Variants in EYS observed in about 807,000 individuals in gnomAD.
EYS encodes EGF-like photoreceptor maintenance factor, also known as protein eyes shut homolog.
Under a neutral mutation model 282.1 loss-of-function variants are expected in EYS, and 250 were observed. The ratio of observed to expected loss-of-function variants is 0.89; its 90% CI spans 0.80 to 0.98. The LOEUF is 0.98. Among genes scored for constraint, EYS ranks in the 50% least tolerant of loss-of-function variants. The probability of loss-of-function intolerance (pLI) is 0.00; values close to 1 mark genes in which losing one functional copy is unlikely to be tolerated. For missense variants in EYS, 4,016 were observed against 3,709.0 expected, an observed-to-expected ratio of 1.08 and a Z score of -2.15; for synonymous variants, 1,355 against 1,282.9, an observed-to-expected ratio of 1.06 and a Z score of -1.20.
chr6:64,728,244 T>C (rs1162387750), intron 22 of EYS, among the ~76,000 whole-genome samples: 1 of 151,652 alleles, frequency 6.6e-6, no homozygotes, highest in East Asian at 1.9e-4. Flanking sequence ...CAGTGTTTTT[T>C]TGTTTTGTTT....
chr6:64,844,358 GTT>G (rs200024782), intron 19 of EYS, among the ~76,000 whole-genome samples: 1 of 140,746 alleles, frequency 7.1e-6, no homozygotes. Flanking sequence ...ATGCTGTTGG[GTT>G]TTTTTTTTTT....
At chr6:64,923,147 C>T (rs561430130) in intron 15 of EYS, among the ~76,000 whole-genome samples, 59 of 151,082 alleles carry the variant, frequency 3.9e-4, no homozygotes, top group Middle Eastern at 3.4e-3. Context: ...ATACTAGACA[C>T]GGGGGAAAAA....
chr6:65,012,690 T>G (rs925036074), intron 13 of EYS, among the ~76,000 whole-genome samples: 4 of 151,968 alleles, frequency 2.6e-5, no homozygotes, highest in African/African-American at 9.7e-5. Flanking sequence ...TAGAAGCTGC[T>G]GAGGATATCA....
At chr6:64,616,523 C>T (rs547106507) in intron 24 of EYS, among the ~76,000 whole-genome samples, 2 of 152,238 alleles carry the variant, frequency 1.3e-5, no homozygotes, top group African/African-American at 4.8e-5. Context: ...ATTGATTTTT[C>T]AAAATCTTGT....
At chr6:64,054,070 G>A (rs113019661) in intron 33 of EYS, among the ~76,000 whole-genome samples, 17 of 152,060 alleles carry the variant, frequency 1.1e-4, no homozygotes, top group Non-Finnish European at 2.2e-4. Context: ...AGTTTCACAT[G>A]TGGCCTTAGG....
chr6:64,702,614 T>G (rs1770831311), intron 22 of EYS, among the ~76,000 whole-genome samples: 1 of 152,130 alleles, frequency 6.6e-6, no homozygotes, highest in Admixed American at 6.5e-5. Flanking sequence ...GTGTAATAAC[T>G]GCTTTCAAAG....
intron 12 of EYS, among the ~76,000 whole-genome samples, chr6:65,085,979 T>A (rs887817455): frequency 6.6e-6 from 1 of 151,914 alleles, no homozygotes; most frequent in Non-Finnish European, 1.5e-5. Context: ...ATAAAAACAT[T>A]TTTTTGTCTT....
chr6:64,590,135 G>T, intron 26 of EYS, 88 bp downstream of exon 26: 3 of 1,185,906 alleles, frequency 2.5e-6, no homozygotes, highest in Non-Finnish European at 3.5e-6. Flanking sequence ...GCTGTTCAGA[G>T]CACCCGGTGA....
intron 2 of EYS, among the ~76,000 whole-genome samples, chr6:65,533,529 A>G (rs938605776): frequency 6.6e-6 from 1 of 152,054 alleles, no homozygotes; most frequent in Non-Finnish European, 1.5e-5. Flanking sequence ...GAGACACAAT[A>G]AAAAAAGAGA....
intron 29 of EYS, among the ~76,000 whole-genome samples, chr6:64,314,194 C>CA (rs138447983): frequency 0.021 from 578 of 27,628 alleles, 66 homozygotes; most frequent in East Asian, 0.065. Flanking sequence ...AAATGGAAAG[C>CA]AAAAAAAAAA....
At chr6:65,629,358 C>T (rs1474690135) in intron 2 of EYS, among the ~76,000 whole-genome samples, 1 of 152,154 alleles carries the variant, frequency 6.6e-6, no homozygotes, top group Non-Finnish European at 1.5e-5. Context: ...AATATAGTTA[C>T]AAGTATGCAT....
Position 65,283,813 on chromosome 6 carries a change from T to TTTTGG in EYS, c.2023+12045_2023+12049dup, listed in dbSNP as rs201721627. Among the ~76,000 whole-genome samples, 817 of 152,272 alleles carry TTTTGG rather than the reference T, an allele frequency of 5.4e-3. 13 individuals carry two copies. Among genetic ancestry groups the TTTTGG allele is most frequent in the African/African-American group, 0.018 (765 of 41,570 alleles). ...TTTTCAGTGTCAATATTAGTTTCTA[T>TTTTGG]TTTGGTTTATGTTGCAAATTTTTAT... On this transcript the variant is annotated intron_variant, in intron 12 of 42. Transcript: ENST00000503581.
chr6:65,664,160 G>A (rs1236193942), intron 1 of EYS, among the ~76,000 whole-genome samples: 2 of 151,942 alleles, frequency 1.3e-5, no homozygotes, highest in South Asian at 2.1e-4. Flanking sequence ...ATGAGCCACC[G>A]CGCCCGGCCC....
intron 31 of EYS, among the ~76,000 whole-genome samples, chr6:64,095,077 T>C (rs1772540380): frequency 1.3e-5 from 2 of 152,242 alleles, no homozygotes; most frequent in Admixed American, 1.3e-4. Context: ...AGTGAGTTTC[T>C]TAATCCTGAG....
At chr6:63,805,115 G>A (rs888147345) in intron 37 of EYS, among the ~76,000 whole-genome samples, 4 of 152,136 alleles carry the variant, frequency 2.6e-5, no homozygotes, top group Non-Finnish European at 5.9e-5. Context: ...CCCTAGCACC[G>A]TAGAACCACT....
chr6:64,538,456 C>T (rs1286765763), intron 26 of EYS, among the ~76,000 whole-genome samples: 1 of 152,112 alleles, frequency 6.6e-6, no homozygotes, highest in Non-Finnish European at 1.5e-5. Context: ...AGATGGCTTT[C>T]AAGGTTATTC....
intron 22 of EYS, among the ~76,000 whole-genome samples, chr6:64,659,450 G>T (rs1449265436): frequency 6.6e-6 from 1 of 151,876 alleles, no homozygotes; most frequent in South Asian, 2.1e-4. Flanking sequence ...TCCAGGAGCT[G>T]GTTTTTTGAA....
intron 35 of EYS, among the ~76,000 whole-genome samples, chr6:63,891,077 G>A (rs1433181920): frequency 6.6e-6 from 1 of 152,146 alleles, no homozygotes; most frequent in Non-Finnish European, 1.5e-5. Flanking sequence ...AACAAGTTCT[G>A]AAACTGAGGC....
intron 30 of EYS, among the ~76,000 whole-genome samples, chr6:64,299,320 T>C (rs1769146801): frequency 6.6e-6 from 1 of 152,230 alleles, no homozygotes; most frequent in South Asian, 2.1e-4. Flanking sequence ...AATAAATGCC[T>C]GCAGAGCCAG....
Sources: gnomAD v4.1 joint callset for allele counts (sites outside exome capture counted in the v4.1 genomes callset) on GRCh38, gnomAD v4.1.1 for gene constraint, MANE v1.5 for transcripts, NCBI Gene and HGNC (gene_info 2026-07-23, HGNC 2026-07-21) for gene names.